The following ANHX variants were observed in gnomAD, a reference collection of about 807,000 sequenced individuals.
ANHX encodes the protein anomalous homeobox.
A neutral mutation model predicts 38.9 loss-of-function variants in ANHX; 20 were observed. The observed-to-expected ratio is 0.51, with a 90% CI of 0.36 to 0.75. The LOEUF is 0.75. Among genes scored for constraint, ANHX ranks in the 30% least tolerant of loss-of-function variants. The pLI is 0.00. For synonymous variants in ANHX, 185 were observed against 203.1 expected, an observed-to-expected ratio of 0.91 and a Z score of 0.76; for missense variants, 475 against 493.1, an observed-to-expected ratio of 0.96 and a Z score of 0.35.
At chr12:133,230,241 G>A (rs566497165) in intron 3 of ANHX, among the ~76,000 whole-genome samples, 2 of 152,282 alleles carry the variant, frequency 1.3e-5, no homozygotes, top group East Asian at 1.9e-4. Context: ...CAAACATGTC[G>A]ACAAGATGAC....
Position 133,226,920 on chromosome 12 carries a change from C to T in ANHX, c.718+16G>A. The T allele has an allele frequency of 6.7e-7, 1 of 1,492,428 alleles. No individual in the cohort carries two copies. The highest frequency in any genetic ancestry group is 8.9e-7 in the Non-Finnish European group (1 of 1,124,792). 92.4% of individuals were successfully genotyped at this position (1,492,428 alleles called of 1,614,324 possible). On this transcript the variant is annotated intron_variant, in intron 5 of 9. Coordinates refer to ENST00000545940, the MANE Select transcript of ANHX (RefSeq NM_001372060.1). ...CTCCCCGACCACAAGGAGACTGGGG[C>T]CCTCAGGCCACTCACCTGACCACTG...
intron 8 of ANHX, 71 bp from the exon 9 acceptor site, chr12:133,219,438 G>A: frequency 1.9e-6 from 2 of 1,070,522 alleles, no homozygotes; most frequent in South Asian, 1.6e-5. Flanking sequence ...CCACCCAGCT[G>A]TGCTTTCTCC....
chr12:133,227,036 T>A lies in ANHX; in HGVS notation c.618A>T (p.Thr206=), dbSNP rs1222099269. The change falls in exon 5 of 10, where the codon ACA becomes ACT. Residue 206 remains threonine (T), a synonymous_variant. Coordinates refer to ENST00000545940, the MANE Select transcript of ANHX (RefSeq NM_001372060.1). ...TCTCCCTCGCACCAGGGTCTTCAGC[T>A]GTGGCCTGCTGGGCTGGCTTCATGT... is the stretch of plus-strand genomic sequence containing the variant. ...PQHMKPAQQA[T]AEDPGARERG... 1.1e-4 allele frequency: 168 copies of A among 1,535,902 alleles called. No homozygotes were observed. The highest frequency in any genetic ancestry group is 2.4e-4 in the Admixed American group (12 of 50,958).
At chr12:133,224,166 T>C (rs545409815) in intron 7 of ANHX, among the ~76,000 whole-genome samples, 1 of 152,118 alleles carries the variant, frequency 6.6e-6, no homozygotes, top group South Asian at 2.1e-4. Flanking sequence ...ACTCCAGGCC[T>C]AGGGAGCTGT....
rs547864362 is a variant in ANHX at position 133,227,085 on chromosome 12, C to A, written c.569G>T (p.Arg190Leu). The change falls in exon 5 of 10, where the codon CGC (arginine) becomes CTC (leucine). Residue 190 changes from arginine (R) to leucine (L), a missense_variant. Transcript: ENST00000545940. ...GTGCTGGGGAAGGGCTCTTTGGCGG[C>A]GCCGGTAATTGGCAAACCAGTTGTA... ...QVYNWFANYR[R>L]RQRALPQHMK... is the part of the protein sequence containing the mutation. 4.4e-5 allele frequency: 67 copies of A among 1,536,064 alleles called. No homozygotes were observed. Among genetic ancestry groups the A allele is most frequent in the Non-Finnish European group, 5.8e-5 (67 of 1,146,864 alleles).
rs536139292 is a variant in ANHX, at chr12:133,225,670, G to A, written c.998C>T (p.Ala333Val). Among the ~76,000 whole-genome samples, 68 of 152,362 alleles carry A rather than the reference G, an allele frequency of 4.5e-4. No individual in the cohort carries two copies. The highest frequency in any genetic ancestry group is 4.4e-3 in the Admixed American group (68 of 15,306). Residue 333 changes from alanine to valine, a missense_variant, in exon 7 of 10, where the codon GCA becomes GTA. Transcript: ENST00000545940. ...AAPESWLMSL[A>V]LASSKEVSFQ... ...GGAAACTTCCTTGGAGGACGCCAGT[G>A]CAAGAGACATCAGCCAAGATTCAGG...
chr12:133,228,393 T>C (rs1433148150), intron 3 of ANHX, among the ~76,000 whole-genome samples: 1 of 152,164 alleles, frequency 6.6e-6, no homozygotes, highest in Non-Finnish European at 1.5e-5. Flanking sequence ...GCTGCCACCC[T>C]GGGTGCTTTT....
intron 7 of ANHX, among the ~76,000 whole-genome samples, chr12:133,223,028 TAAAAATACAA>T (rs1366921029): frequency 6.6e-6 from 1 of 151,690 alleles, no homozygotes; most frequent in African/African-American, 2.4e-5. Flanking sequence ...CAATCTCAAC[TAAAAATACAA>T]AATTAGCCAG....
Position 133,218,378 on chromosome 12 carries a change from C to T in ANHX, c.*507G>A, listed in dbSNP as rs1238434577. Reference sequence around the variant, plus strand: ...TGTCATAGACACAGTGAATTACAACCTGGAGGGAAAATCCACCCTACTCTG... The same window carrying T: ...TGTCATAGACACAGTGAATTACAACTTGGAGGGAAAATCCACCCTACTCTG... On this transcript the variant is annotated 3_prime_UTR_variant, in exon 10 of 10. Transcript: ENST00000545940. 2.0e-5 allele frequency: 3 copies of T among 152,664 alleles called. No homozygotes were observed. The highest frequency in any genetic ancestry group is 4.4e-5 in the Non-Finnish European group (3 of 68,374). 9.5% of individuals were successfully genotyped at this position (152,664 alleles called of 1,614,324 possible).
chr12:133,220,490 G>A (rs1048056404), intron 8 of ANHX, among the ~76,000 whole-genome samples: 9 of 152,156 alleles, frequency 5.9e-5, no homozygotes, highest in Non-Finnish European at 8.8e-5. Context: ...TGTGATTTAG[G>A]GGCTGCTCCG....
chr12:133,229,312 C>T (rs1403019441), intron 3 of ANHX, among the ~76,000 whole-genome samples: 2 of 152,170 alleles, frequency 1.3e-5, no homozygotes, highest in Non-Finnish European at 2.9e-5. Context: ...GATATATGCA[C>T]CAATATTACT....
At chr12:133,230,615 A>C (rs1957256467) in intron 3 of ANHX, among the ~76,000 whole-genome samples, 1 of 152,098 alleles carries the variant, frequency 6.6e-6, no homozygotes, top group South Asian at 2.1e-4. Context: ...TGTCTCTACA[A>C]AAAATTAAAA....
At chr12:133,219,678 G>A (rs922022716) in intron 8 of ANHX, among the ~76,000 whole-genome samples, 12 of 152,176 alleles carry the variant, frequency 7.9e-5, no homozygotes, top group African/African-American at 2.7e-4. Context: ...CGGGATGCAC[G>A]GCACAGTCAC....
rs1957188534 is a variant in ANHX, at chr12:133,226,360, T to C, written c.797A>G (p.Asp266Gly). 2 of 1,536,204 alleles carry C rather than the reference T, an allele frequency of 1.3e-6. No individual in the cohort carries two copies. Among genetic ancestry groups the C allele is most frequent in the Non-Finnish European group, 1.7e-6 (2 of 1,146,904 alleles). The change falls in exon 6 of 10, where the codon GAC becomes GGC. Residue 266 changes from aspartate (D) to glycine (G), a missense_variant. Coordinates refer to ENST00000545940, the MANE Select transcript of ANHX (RefSeq NM_001372060.1). ...TGAGACTGTCTCATCTGCGGGAAAG[T>C]CCGGGGCTAAGGCCAGTGGCTCCCA... ...GPWEPLALAP[D>G]FPADETVSKP...
Position 133,227,048 on chromosome 12 carries a change from G to A in ANHX, c.606C>T (p.Ala202=). 6.5e-7 allele frequency: 1 copy of A among 1,536,042 alleles called. No individual in the cohort carries two copies. The highest frequency in any genetic ancestry group is 8.7e-7 in the Non-Finnish European group (1 of 1,146,858). Residue 202 remains alanine (A), a synonymous_variant, in exon 5 of 10, where the codon GCC becomes GCT. Transcript: ENST00000545940. ...QRALPQHMKP[A]QQATAEDPGA... is the part of the protein sequence containing the mutation. Reference sequence around the variant, plus strand: ...CAGGGTCTTCAGCTGTGGCCTGCTGGGCTGGCTTCATGTGCTGGGGAAGGG... The same window carrying A: ...CAGGGTCTTCAGCTGTGGCCTGCTGAGCTGGCTTCATGTGCTGGGGAAGGG...
At chr12:133,230,123 T>C (rs1399583724) in intron 3 of ANHX, among the ~76,000 whole-genome samples, 1 of 152,222 alleles carries the variant, frequency 6.6e-6, no homozygotes, top group Non-Finnish European at 1.5e-5. Context: ...CCTACTTTAT[T>C]TTCTTGTCTG....
At position 133,221,992 on chromosome 12, in the gene ANHX, A is replaced by G. The variant is rs1957113969; in HGVS notation, c.1133-640T>C. Among the ~76,000 whole-genome samples, 1 of 152,130 alleles carries G rather than the reference A, an allele frequency of 6.6e-6. No homozygotes were observed. The highest frequency in any genetic ancestry group is 2.4e-5 in the African/African-American group (1 of 41,430). ...CAAGCATTAAGATGGCCCTGATCTC[A>G]AGACATGGAACAAGCGGCCTGGGGG... On this transcript the variant is annotated intron_variant, in intron 7 of 9. Transcript: ENST00000545940. This position sits in a 1 kb window ranked among gnomAD's most constrained non-coding sequence, Gnocchi z 4.1.
chr12:133,230,679 C>T (rs149109702), intron 3 of ANHX, among the ~76,000 whole-genome samples: 3,143 of 152,236 alleles, frequency 0.021, 108 homozygotes, highest in African/African-American at 0.073. Context: ...GGGAGGATCG[C>T]TTGAGCCCGG....
Position 133,219,286 on chromosome 12 carries a change from G to T in ANHX, c.1362C>A (p.Ser454Arg), listed in dbSNP as rs1957076368. The T allele has an allele frequency of 6.5e-7, 1 of 1,534,964 alleles. No homozygotes were observed. Among genetic ancestry groups the T allele is most frequent in the African/African-American group, 1.4e-5 (1 of 73,032 alleles). Reference sequence around the variant, plus strand: ...AGTGCTCATAGGGAAGCCTCACCTGGCTGGAGGGCAGGGCCTGGCTCAGCT... The same window carrying T: ...AGTGCTCATAGGGAAGCCTCACCTGTCTGGAGGGCAGGGCCTGGCTCAGCT... ...AMELSQALPS[S>R]QVQCSDSQAS... The change falls in exon 9 of 10, where the codon AGC becomes AGA. Residue 454 changes from serine (S) to arginine (R), a missense_variant. By Grantham distance (110) the Ser-to-Arg change is moderately radical. Transcript: ENST00000545940.
Sources: allele counts gnomAD v4.1 joint callset (sites outside exome capture counted in the v4.1 genomes callset), GRCh38; gene constraint gnomAD v4.1.1; non-coding constraint Gnocchi (gnomAD v3.1); transcripts MANE v1.5; gene names NCBI Gene and HGNC (gene_info 2026-07-23, HGNC 2026-07-21).